Variants in FAM53B observed in about 807,000 individuals in gnomAD.
The protein encoded by FAM53B is family with sequence similarity 53 member B.
In FAM53B, 12 loss-of-function variants were observed where a neutral mutation model predicts 32.7. The ratio of observed to expected loss-of-function variants is 0.37; its 90% CI spans 0.24 to 0.59. The LOEUF (loss-of-function observed/expected upper bound fraction) is 0.59, where lower values mean the gene tolerates loss of function less well. Among genes scored for constraint, FAM53B ranks in the 20% least tolerant of loss-of-function variants. The probability of loss-of-function intolerance (pLI) is 0.72; values close to 1 mark genes in which losing one functional copy is unlikely to be tolerated. For synonymous variants in FAM53B, 234 were observed against 228.7 expected (o/e 1.02, Z -0.21); for missense variants, 477 against 577.7 (o/e 0.83, Z 1.79).
intron 4 of FAM53B, among the ~76,000 whole-genome samples, chr10:124,644,435 C>T (rs1290337189): frequency 6.6e-6 from 1 of 152,226 alleles, no homozygotes; most frequent in African/African-American, 2.4e-5. Flanking sequence ...ACTGCCCGCC[C>T]TCCTTCCTTC....
chr10:124,638,712 C>T (rs1217646827), intron 4 of FAM53B, among the ~76,000 whole-genome samples: 2 of 152,242 alleles, frequency 1.3e-5, no homozygotes, highest in East Asian at 3.8e-4. Flanking sequence ...GGAGGCCATG[C>T]TGGCCCTCGC....
At chr10:124,708,889 G>A (rs1469431658) in intron 1 of FAM53B, among the ~76,000 whole-genome samples, 1 of 152,254 alleles carries the variant, frequency 6.6e-6, no homozygotes, top group Non-Finnish European at 1.5e-5. Context: ...CAACTGAGTT[G>A]GAATCCCAGC....
chr10:124,679,584 C>A (rs540336088), intron 4 of FAM53B, among the ~76,000 whole-genome samples: 2 of 152,252 alleles, frequency 1.3e-5, no homozygotes, highest in Non-Finnish European at 2.9e-5. Flanking sequence ...CATGGCTCAG[C>A]GTCCACGGGC....
rs1949287500 is a variant in FAM53B, at chr10:124,619,329, A to AAGT, written c.*3910_*3912dup. The AAGT allele has an allele frequency of 6.5e-6, 1 of 152,672 alleles. No individual in the cohort carries two copies. Among genetic ancestry groups the AAGT allele is most frequent in the African/African-American group, 2.4e-5 (1 of 41,450 alleles). The allele number at this position is 152,672 out of a possible 1,614,324, so 9.5% of individuals were successfully genotyped here. A position where few individuals can be genotyped will look rare whatever the true frequency, so the allele number is the denominator to read the frequency against. On this transcript the variant is annotated 3_prime_UTR_variant, in exon 5 of 5. Coordinates refer to ENST00000337318, the MANE Select transcript of FAM53B (RefSeq NM_014661.4). ...CCAGGAAGCTTTATTTACACAGTACAAGTAACAAGCAAATTCCTGAGAGAC... is the reference window on the plus strand; with the variant it reads ...CCAGGAAGCTTTATTTACACAGTACAAGTAGTAACAAGCAAATTCCTGAGAGAC...
At chr10:124,626,001 G>A (rs1949346164) in intron 4 of FAM53B, among the ~76,000 whole-genome samples, 1 of 152,254 alleles carries the variant, frequency 6.6e-6, no homozygotes, top group African/African-American at 2.4e-5. Context: ...GGCCAGAGCA[G>A]CCCGGATGAC....
chr10:124,719,157 C>T (rs1221566253), intron 1 of FAM53B, among the ~76,000 whole-genome samples: 1 of 152,120 alleles, frequency 6.6e-6, no homozygotes, highest in East Asian at 1.9e-4. Flanking sequence ...GAACTGGCCA[C>T]GGAATTAATC....
chr10:124,643,125 T>C (rs1005996085), intron 4 of FAM53B, among the ~76,000 whole-genome samples: 1 of 152,240 alleles, frequency 6.6e-6, no homozygotes, highest in African/African-American at 2.4e-5. Flanking sequence ...TCTTCCTAGA[T>C]GGCCGACAGG....
At chr10:124,632,070 C>T (rs927060066) in intron 4 of FAM53B, among the ~76,000 whole-genome samples, 16 of 152,318 alleles carry the variant, frequency 1.1e-4, no homozygotes, top group African/African-American at 2.4e-4. Flanking sequence ...CCCAGGATGC[C>T]GTGGGTAAGA....
chr10:124,692,714 C>CAA (rs5788679), intron 3 of FAM53B, among the ~76,000 whole-genome samples: 13,342 of 69,096 alleles, frequency 0.19, 1,628 homozygotes, highest in Non-Finnish European at 0.21. Context: ...TACTCCATCT[C>CAA]AAAAAAAAAA....
chr10:124,664,615 C>CT (rs1949656983), intron 4 of FAM53B, among the ~76,000 whole-genome samples: 1 of 152,208 alleles, frequency 6.6e-6, no homozygotes, highest in Admixed American at 6.5e-5. Flanking sequence ...AGCAAGTCAC[C>CT]TAAGGACGGC....
At chr10:124,647,675 T>C (rs1949526868) in intron 4 of FAM53B, among the ~76,000 whole-genome samples, 1 of 152,050 alleles carries the variant, frequency 6.6e-6, no homozygotes, top group Non-Finnish European at 1.5e-5. Context: ...CTGTACCCTT[T>C]CCATGTCACC....
intron 4 of FAM53B, among the ~76,000 whole-genome samples, chr10:124,666,399 T>C (rs1393541955): frequency 6.6e-6 from 1 of 152,194 alleles, no homozygotes; most frequent in Non-Finnish European, 1.5e-5. Flanking sequence ...AGAGTGCTGG[T>C]AGATGGGGGC....
At chr10:124,666,240 A>G (rs1949671753) in intron 4 of FAM53B, among the ~76,000 whole-genome samples, 1 of 152,264 alleles carries the variant, frequency 6.6e-6, no homozygotes, top group Non-Finnish European at 1.5e-5. Context: ...ATTTTCCAGG[A>G]AAACTATGGT....
intron 4 of FAM53B, among the ~76,000 whole-genome samples, chr10:124,675,946 T>C (rs1473528599): frequency 6.6e-6 from 1 of 152,226 alleles, no homozygotes; most frequent in East Asian, 1.9e-4. Context: ...CTGCCAAGAC[T>C]GCCAAGAGGA....
intron 4 of FAM53B, among the ~76,000 whole-genome samples, chr10:124,656,356 G>A (rs1263601629): frequency 2.0e-5 from 3 of 152,258 alleles, no homozygotes; most frequent in Non-Finnish European, 4.4e-5. Flanking sequence ...GCTGTAGTGG[G>A]AGCGCAGGTG....
At chr10:124,707,165 T>G (rs1200785621) in intron 1 of FAM53B, among the ~76,000 whole-genome samples, 1 of 152,126 alleles carries the variant, frequency 6.6e-6, no homozygotes, top group Non-Finnish European at 1.5e-5. Context: ...AAGATCTATC[T>G]CAGGGTCTGG....
chr10:124,632,959 G>T (rs1949401100), intron 4 of FAM53B, among the ~76,000 whole-genome samples: 1 of 152,168 alleles, frequency 6.6e-6, no homozygotes, highest in African/African-American at 2.4e-5. Flanking sequence ...CTGTGCCTCA[G>T]TTTCTCATGT....
chr10:124,639,191 T>G (rs545906434), intron 4 of FAM53B, among the ~76,000 whole-genome samples: 1 of 151,928 alleles, frequency 6.6e-6, no homozygotes, highest in Non-Finnish European at 1.5e-5. Flanking sequence ...GATTCAGAGG[T>G]GGGCCATGGG....
intron 4 of FAM53B, among the ~76,000 whole-genome samples, chr10:124,669,080 G>A (rs1284070212): frequency 1.3e-5 from 2 of 152,240 alleles, no homozygotes; most frequent in African/African-American, 2.4e-5. Flanking sequence ...TTCAAGACAA[G>A]CCATTTTGGG....
Sources: gnomAD v4.1 joint callset for allele counts (sites outside exome capture counted in the v4.1 genomes callset) on GRCh38, gnomAD v4.1.1 for gene constraint, MANE v1.5 for transcripts, NCBI Gene and HGNC (gene_info 2026-07-23, HGNC 2026-07-21) for gene names.